Variants in TBC1D1 observed in about 807,000 individuals in gnomAD.
TBC1D1 encodes the protein TBC1 (tre-2/USP6, BUB2, cdc16) domain family, member 1.
A neutral mutation model predicts 125.6 loss-of-function variants in TBC1D1; 89 were observed. The observed-to-expected ratio is 0.71, with a 90% CI of 0.60 to 0.85. The LOEUF (loss-of-function observed/expected upper bound fraction) is 0.85. Ranked by LOEUF, TBC1D1 falls within the 40% of genes least tolerant of loss-of-function variation. The probability of loss-of-function intolerance (pLI) is 0.00; values close to 1 mark genes in which losing one functional copy is unlikely to be tolerated. For synonymous variants in TBC1D1, 565 were observed against 564.1 expected (o/e 1.00, Z -0.02); for missense variants, 1,377 against 1,469.2 (o/e 0.94, Z 1.03).
intron 2 of TBC1D1, chr4:37,960,806 CTT>C (rs758889441): frequency 8.7e-6 from 14 of 1,614,156 alleles, no homozygotes; most frequent in Non-Finnish European, 1.2e-5. Context: ...ATCTTCTAGA[CTT>C]TGAGAGTTTT....
At chr4:38,123,143 A>G (rs557698107) in intron 17 of TBC1D1, among the ~76,000 whole-genome samples, 2 of 152,352 alleles carry the variant, frequency 1.3e-5, no homozygotes, top group African/African-American at 2.4e-5. Context: ...AATTTAAGGC[A>G]CTTGTCCCTC....
At position 37,902,374 on chromosome 4, in the gene TBC1D1, C is replaced by CT. The variant is rs768903384; in HGVS notation, c.282dup (p.Glu95Ter). ...GGGATCCCCTGATCTATTCCAGCAT[C>CT]TTTGAGTGCAAGCCTCAGCGTGTTC... On this transcript the variant is annotated frameshift_variant, in exon 2 of 20. Transcript: ENST00000261439. LOFTEE classifies it high-confidence loss of function. 3.1e-6 allele frequency: 5 copies of CT among 1,614,216 alleles called. No individual in the cohort carries two copies. The highest frequency in any genetic ancestry group is 4.2e-6 in the Non-Finnish European group (5 of 1,180,042).
intron 2 of TBC1D1, among the ~76,000 whole-genome samples, chr4:37,981,233 G>T (rs990009407): frequency 6.6e-6 from 1 of 152,156 alleles, no homozygotes; most frequent in African/African-American, 2.4e-5. Context: ...GTGAGCCATT[G>T]CATCCAGCCC....
chr4:37,921,904 TA>T (rs35617746), intron 2 of TBC1D1, among the ~76,000 whole-genome samples: 52,488 of 148,896 alleles, frequency 0.35, 9,273 homozygotes, highest in Middle Eastern at 0.4. Flanking sequence ...CCAGCTAATT[TA>T]AAAAAAAAAA....
At chr4:38,128,052 A>G (rs1209979546) in intron 18 of TBC1D1, among the ~76,000 whole-genome samples, 3 of 152,088 alleles carry the variant, frequency 2.0e-5, no homozygotes, top group Non-Finnish European at 2.9e-5. Context: ...GTGCAGCGTG[A>G]TGGGCTTGGT....
intron 2 of TBC1D1, among the ~76,000 whole-genome samples, chr4:37,911,635 A>G (rs1276785615): frequency 6.6e-6 from 1 of 152,130 alleles, no homozygotes; most frequent in Non-Finnish European, 1.5e-5. Flanking sequence ...TGATGTAGGT[A>G]TTTGAAATTT....
At chr4:37,941,056 A>T (rs2152304565) in intron 2 of TBC1D1, among the ~76,000 whole-genome samples, 1 of 152,146 alleles carries the variant, frequency 6.6e-6, no homozygotes, top group East Asian at 1.9e-4. Context: ...GTTAGGGAGG[A>T]TTCCCTCTTT....
At chr4:38,136,071 AACAGGTCAGAAAGGCCTCAGGG>A (rs1766563796) in intron 19 of TBC1D1, among the ~76,000 whole-genome samples, 1 of 152,032 alleles carries the variant, frequency 6.6e-6, no homozygotes, top group African/African-American at 2.4e-5. Context: ...TGAGCTGGGG[AACAGGTCAGAAAGGCCTCAGGG>A]ACATCAGCAT....
At position 38,090,043 on chromosome 4, in the gene TBC1D1, G is replaced by A. The variant is rs754769002; in HGVS notation, c.2162G>A (p.Arg721Gln). 1.4e-5 allele frequency: 23 copies of A among 1,613,992 alleles called. No individual in the cohort carries two copies. The highest frequency in any genetic ancestry group is 4.5e-5 in the East Asian group (2 of 44,892). The change falls in exon 13 of 20, where the codon CGA (arginine) becomes CAA (glutamine). Residue 721 changes from arginine to glutamine, a missense_variant. Transcript: ENST00000261439. ...AAGAAAAGGACATCTCGTGAGCTCC[G>A]AGAGCTGTGGCAAAAGGCTATTCTT... is the stretch of plus-strand genomic sequence containing the variant.
At chr4:38,056,290 G>A (rs1477993971) in intron 12 of TBC1D1, among the ~76,000 whole-genome samples, 1 of 152,160 alleles carries the variant, frequency 6.6e-6, no homozygotes, top group Non-Finnish European at 1.5e-5. Flanking sequence ...CCTGGTCCGA[G>A]TCCTGTCCTC....
intron 2 of TBC1D1, among the ~76,000 whole-genome samples, chr4:37,957,599 C>T (rs930431869): frequency 6.6e-6 from 1 of 152,082 alleles, no homozygotes; most frequent in Non-Finnish European, 1.5e-5. Context: ...GAGCAAGGTC[C>T]TATCTCTTAA....
intron 2 of TBC1D1, among the ~76,000 whole-genome samples, chr4:38,012,928 G>A (rs375970116): frequency 6.6e-6 from 1 of 152,082 alleles, no homozygotes; most frequent in South Asian, 2.1e-4. Flanking sequence ...CAAGTAGCTG[G>A]GATTACAGGC....
intron 8 of TBC1D1, among the ~76,000 whole-genome samples, chr4:38,039,934 C>T (rs1289990333): frequency 4.7e-5 from 7 of 150,486 alleles, no homozygotes; most frequent in African/African-American, 1.5e-4. Flanking sequence ...GTCAATATAG[C>T]GAGACCCCCA....
chr4:37,894,483 T>G (rs1261469475), intron 1 of TBC1D1, among the ~76,000 whole-genome samples: 1 of 152,216 alleles, frequency 6.6e-6, no homozygotes, highest in Non-Finnish European at 1.5e-5. Context: ...AAGAGGCATT[T>G]AATTTTGAGT....
At chr4:37,904,881 G>A (rs971765371) in intron 2 of TBC1D1, among the ~76,000 whole-genome samples, 1 of 152,210 alleles carries the variant, frequency 6.6e-6, no homozygotes, top group Non-Finnish European at 1.5e-5. Flanking sequence ...GGACACCAAT[G>A]TCACTGTATC....
intron 2 of TBC1D1, among the ~76,000 whole-genome samples, chr4:37,903,649 T>G (rs1289335088): frequency 6.6e-6 from 1 of 152,236 alleles, no homozygotes; most frequent in East Asian, 1.9e-4. Context: ...AGGACCTTAT[T>G]TAGAAATTAA....
chr4:38,105,372 G>A (rs551957436), intron 15 of TBC1D1, among the ~76,000 whole-genome samples: 27 of 152,260 alleles, frequency 1.8e-4, no homozygotes, highest in African/African-American at 5.3e-4. Flanking sequence ...GACAGGTTAC[G>A]TAACTTGCTG....
intron 2 of TBC1D1, among the ~76,000 whole-genome samples, chr4:37,941,567 T>G (rs1725580711): frequency 6.6e-6 from 1 of 152,250 alleles, no homozygotes; most frequent in African/African-American, 2.4e-5. Flanking sequence ...TTCTGCTAGC[T>G]TTTGAATGTA....
intron 2 of TBC1D1, among the ~76,000 whole-genome samples, chr4:37,983,206 C>T (rs1239446643): frequency 6.6e-6 from 1 of 150,930 alleles, no homozygotes; most frequent in African/African-American, 2.4e-5. Context: ...CCCTCCACCT[C>T]CCAGGTTCAA....
Sources: gnomAD v4.1 joint callset for allele counts (sites outside exome capture counted in the v4.1 genomes callset) on GRCh38, gnomAD v4.1.1 for gene constraint, MANE v1.5 for transcripts, NCBI Gene and HGNC (gene_info 2026-07-23, HGNC 2026-07-21) for gene names.